The following PDE11A variants were observed in gnomAD, a reference collection of about 807,000 sequenced individuals.
The protein encoded by PDE11A is dual 3',5'-cyclic-AMP and -GMP phosphodiesterase 11A.
Under a neutral mutation model 100.5 loss-of-function variants are expected in PDE11A, and 100 were observed. That is an observed-to-expected ratio of 1.00 (90% confidence interval 0.85 to 1.18). PDE11A has a LOEUF of 1.18. Ranked by LOEUF, PDE11A falls within the 50% of genes most tolerant of loss-of-function variation. PDE11A has a pLI of 0.00. For missense variants in PDE11A, 1,141 were observed against 1,152.6 expected (o/e 0.99, Z 0.15); for synonymous variants, 381 against 420.8 (o/e 0.91, Z 1.16).
chr2:177,732,954 G>C (rs976102353), intron 10 of PDE11A, among the ~76,000 whole-genome samples: 4 of 152,178 alleles, frequency 2.6e-5, no homozygotes, highest in Non-Finnish European at 4.4e-5. Flanking sequence ...GCAGGTTCTG[G>C]AGAAAACTAT....
At position 178,014,448 on chromosome 2, in the gene PDE11A, T is replaced by C. The variant is rs1428866590; in HGVS notation, c.925A>G (p.Asn309Asp). 1 of 1,612,822 alleles carries C rather than the reference T, an allele frequency of 6.2e-7. No individual in the cohort carries two copies. The highest frequency in any genetic ancestry group is 1.1e-5 in the South Asian group (1 of 91,048). ...IPDAYQDRRF[N>D]DEIDKLTGYK... ...CCAGTTAGCTTGTCGATTTCATCAT[T>C]GAATCGTCGATCCTAAAAATAAGAC... Residue 309 changes from asparagine (N) to aspartate (D), a missense_variant, in exon 2 of 20, where the codon AAT becomes GAT. Coordinates refer to ENST00000286063, the MANE Select transcript of PDE11A (RefSeq NM_016953.4).
intron 12 of PDE11A, among the ~76,000 whole-genome samples, chr2:177,727,452 G>A (rs1306254281): frequency 1.3e-5 from 2 of 152,060 alleles, no homozygotes; most frequent in Non-Finnish European, 1.5e-5. Context: ...TCATTCCAAG[G>A]CTACACTGGC....
chr2:178,097,765 C>G (rs1302818028), intron 2 of PDE11A, among the ~76,000 whole-genome samples: 1 of 152,178 alleles, frequency 6.6e-6, no homozygotes, highest in African/African-American at 2.4e-5. Flanking sequence ...AATGATCACT[C>G]TAGCTATCAG....
intron 12 of PDE11A, among the ~76,000 whole-genome samples, chr2:177,715,987 G>A (rs2105432142): frequency 6.6e-6 from 1 of 152,328 alleles, no homozygotes; most frequent in South Asian, 2.1e-4. Context: ...ATGCCCAAAT[G>A]TCAACATCTA....
At chr2:178,074,275 T>C (rs1465510550), upstream of PDE11A, among the ~76,000 whole-genome samples, 1 of 152,152 alleles carries the variant, frequency 6.6e-6, no homozygotes, top group Admixed American at 6.5e-5. Flanking sequence ...GTAATAAAAA[T>C]GTTCTAAATT....
At chr2:177,957,699 T>A (rs561790476) in intron 2 of PDE11A, among the ~76,000 whole-genome samples, 24 of 152,254 alleles carry the variant, frequency 1.6e-4, no homozygotes, top group African/African-American at 5.5e-4. Context: ...CACCTTTGGG[T>A]TTTAGTTACA....
chr2:178,043,783 T>C (rs188196586), intron 1 of PDE11A, among the ~76,000 whole-genome samples: 8 of 152,290 alleles, frequency 5.3e-5, no homozygotes, highest in Admixed American at 3.9e-4. Context: ...ATTATACATA[T>C]GAGGAAACTG....
chr2:177,665,880 G>A (rs148956667), intron 18 of PDE11A, among the ~76,000 whole-genome samples: 5,476 of 149,982 alleles, frequency 0.037, 329 homozygotes, highest in African/African-American at 0.12. Flanking sequence ...AAAAAATTAT[G>A]TTTTCTTTTC....
chr2:177,701,451 G>A (rs1430070535), intron 13 of PDE11A, among the ~76,000 whole-genome samples: 1 of 152,098 alleles, frequency 6.6e-6, no homozygotes, highest in African/African-American at 2.4e-5. Context: ...AATGATATTT[G>A]ATGAATTTGA....
At chr2:178,030,626 A>T (rs567039373) in intron 1 of PDE11A, among the ~76,000 whole-genome samples, 51 of 152,262 alleles carry the variant, frequency 3.3e-4, no homozygotes, top group African/African-American at 1.1e-3. Context: ...CTGTAATCCC[A>T]ACAACTTGGG....
intron 1 of PDE11A, among the ~76,000 whole-genome samples, chr2:178,015,721 C>A (rs79131715): frequency 6.6e-6 from 1 of 151,490 alleles, no homozygotes; most frequent in Non-Finnish European, 1.5e-5. Flanking sequence ...CTTCAACTCA[C>A]TTTCAAGGAA....
intron 9 of PDE11A, among the ~76,000 whole-genome samples, chr2:177,790,757 A>G (rs1347625556): frequency 5.9e-5 from 9 of 152,126 alleles, no homozygotes; most frequent in Admixed American, 2.6e-4. Flanking sequence ...CTCAAAAGAC[A>G]TTTATGCAGC....
intron 19 of PDE11A, among the ~76,000 whole-genome samples, chr2:177,651,131 T>A (rs1358688279): frequency 6.6e-6 from 1 of 152,168 alleles, no homozygotes; most frequent in Admixed American, 6.5e-5. Flanking sequence ...TTAAATCAGA[T>A]CATGCTTGGA....
At chr2:177,669,719 G>C in intron 17 of PDE11A, 152 bp from the exon 18 acceptor site, 1 of 630,380 alleles carries the variant, frequency 1.6e-6, no homozygotes, top group South Asian at 1.8e-5. Flanking sequence ...CATGTTTGAA[G>C]GTGTTATAGA....
At chr2:177,656,270 G>A (rs2080382013) in intron 19 of PDE11A, among the ~76,000 whole-genome samples, 1 of 152,134 alleles carries the variant, frequency 6.6e-6, no homozygotes, top group Admixed American at 6.6e-5. Flanking sequence ...ATGTTTAGAT[G>A]CACAAATATT....
At chr2:177,944,727 G>C (rs1024072005) in intron 2 of PDE11A, among the ~76,000 whole-genome samples, 2 of 151,904 alleles carry the variant, frequency 1.3e-5, no homozygotes, top group Non-Finnish European at 2.9e-5. Flanking sequence ...GCCGAGGTGC[G>C]GGCTGTGAGA....
At chr2:178,065,791 A>G (rs1208055606) in intron 1 of PDE11A, among the ~76,000 whole-genome samples, 1 of 152,154 alleles carries the variant, frequency 6.6e-6, no homozygotes, top group African/African-American at 2.4e-5. Flanking sequence ...ATCTATCAGC[A>G]CTGGCTCATC....
chr2:177,816,833 A>G lies in PDE11A; in HGVS notation c.1733T>C (p.Leu578Pro), dbSNP rs1239977493. The G allele has an allele frequency of 6.4e-7, 1 of 1,567,150 alleles. No homozygotes were observed. Among genetic ancestry groups the G allele is most frequent in the South Asian group, 1.1e-5 (1 of 90,108 alleles). ...TGACATAAACACTGTACTTACATCAAGAGCCACAGACTGCTTGGCCCAGGA... is the reference window on the plus strand; with the variant it reads ...TGACATAAACACTGTACTTACATCAGGAGCCACAGACTGCTTGGCCCAGGA... ...KKSWAKQSVALDVLSYHATCS... is the reference protein window; with the variant it reads ...KKSWAKQSVAPDVLSYHATCS... Residue 578 changes from leucine (L) to proline (P), a missense_variant, in exon 9 of 20, where the codon CTT (leucine) becomes CCT (proline). Transcript: ENST00000286063.
At chr2:178,036,339 G>A (rs2086613629) in intron 1 of PDE11A, among the ~76,000 whole-genome samples, 1 of 152,062 alleles carries the variant, frequency 6.6e-6, no homozygotes, top group Admixed American at 6.6e-5. Flanking sequence ...CTTCCTCAAG[G>A]AGAACTACAA....
Sources: gnomAD v4.1 joint callset for allele counts (sites outside exome capture counted in the v4.1 genomes callset) on GRCh38, gnomAD v4.1.1 for gene constraint, MANE v1.5 for transcripts, NCBI Gene and HGNC (gene_info 2026-07-23, HGNC 2026-07-21) for gene names.